Variants in RPL3L observed in about 807,000 individuals in gnomAD.
The protein encoded by RPL3L is ribosomal protein uL3-like.
Under a neutral mutation model 44.5 loss-of-function variants are expected in RPL3L, and 44 were observed. The observed-to-expected ratio is 0.99, with a 90% CI of 0.78 to 1.27. The LOEUF (loss-of-function observed/expected upper bound fraction) is 1.27, where lower values mean the gene tolerates loss of function less well. Ranked by LOEUF, RPL3L falls within the 50% of genes most tolerant of loss-of-function variation. RPL3L has a pLI of 0.00. For missense variants in RPL3L, 631 were observed against 569.1 expected, an observed-to-expected ratio of 1.11 and a Z score of -1.11; for synonymous variants, 292 against 230.7, an observed-to-expected ratio of 1.27 and a Z score of -2.41.
intron 4 of RPL3L, among the ~76,000 whole-genome samples, chr16:1,947,654 T>A (rs1384920376): frequency 1.3e-5 from 2 of 152,104 alleles, no homozygotes; most frequent in East Asian, 3.9e-4. Context: ...TCTGATGGGC[T>A]ATGGGGGCTG....
rs775063440 is a variant in RPL3L, at chr16:1,953,945, C to G, written c.196+11G>C. 7.3e-6 allele frequency: 11 copies of G among 1,510,688 alleles called. No homozygotes were observed. Among genetic ancestry groups the G allele is most frequent in the Middle Eastern group, 1.9e-4 (1 of 5,354 alleles). 93.6% of individuals were successfully genotyped at this position (1,510,688 alleles called of 1,614,324 possible). A position where few individuals can be genotyped will look rare whatever the true frequency, so the allele number is the denominator to read the frequency against. ...CCTCCCCCTCCCCCAAGGGTCCCAA[C>G]TGTGACTCACTGAGCCCCGGCCGGT... On this transcript the variant is annotated intron_variant, in intron 2 of 9. Transcript: ENST00000268661.
At chr16:1,951,082 C>T in intron 3 of RPL3L, 103 bp from the exon 4 acceptor site, 1 of 1,463,062 alleles carries the variant, frequency 6.8e-7, no homozygotes, top group Non-Finnish European at 9.1e-7. Context: ...AGGGGTCCTA[C>T]CTCTGGGACC....
chr16:1,949,726 A>AGTATGTACGGGGCAG (rs1567310605), intron 4 of RPL3L, among the ~76,000 whole-genome samples: 5 of 85,432 alleles, frequency 5.9e-5, no homozygotes, highest in Admixed American at 1.3e-4. Flanking sequence ...TGGACGGGGC[A>AGTATGTACGGGGCAG]GTATGTACGG....
At chr16:1,949,053 C>T (rs2083147875) in intron 4 of RPL3L, among the ~76,000 whole-genome samples, 1 of 142,660 alleles carries the variant, frequency 7.0e-6, no homozygotes, top group Non-Finnish European at 1.5e-5. Context: ...CCCTATGTTG[C>T]CAAGACTGGT....
Position 1,954,634 on chromosome 16 carries a change from T to C in RPL3L, c.-3A>G, listed in dbSNP as rs1241650747. On this transcript the variant is annotated 5_prime_UTR_variant, in exon 1 of 10. Transcript: ENST00000268661. ...CTCACCCTGGTCCCACCAACCATGG[T>C]GGCCGATCCCTGAAGGTCAGGAAGG... 4 of 1,547,912 alleles carry C rather than the reference T, an allele frequency of 2.6e-6. No individual in the cohort carries two copies. The highest frequency in any genetic ancestry group is 1.2e-5 in the South Asian group (1 of 82,628).
intron 6 of RPL3L, 44 bp downstream of exon 6, chr16:1,946,894 G>A: frequency 6.4e-7 from 1 of 1,571,204 alleles, no homozygotes; most frequent in Non-Finnish European, 8.6e-7. Flanking sequence ...CTGAGGGCTG[G>A]GGTCCGACCA....
chr16:1,945,657 A>C, intron 8 of RPL3L, 39 bp from the exon 9 acceptor site: 3 of 1,612,356 alleles, frequency 1.9e-6, no homozygotes, highest in Non-Finnish European at 2.5e-6. Flanking sequence ...AAGTGTGGGG[A>C]TCCCCCACAC....
At chr16:1,949,988 A>ACGGGG (rs1231568112) in intron 4 of RPL3L, among the ~76,000 whole-genome samples, 3 of 126,776 alleles carry the variant, frequency 2.4e-5, no homozygotes, top group African/African-American at 9.5e-5. Flanking sequence ...GCAGGTATGG[A>ACGGGG]CAGGGCAGGT....
intron 6 of RPL3L, 54 bp downstream of exon 6, chr16:1,946,884 C>G: frequency 1.3e-6 from 2 of 1,568,886 alleles, no homozygotes; most frequent in Non-Finnish European, 1.7e-6. Flanking sequence ...GAGGCCAGTA[C>G]TGAGGGCTGG....
Position 1,945,884 on chromosome 16 carries a change from A to G in RPL3L, c.998T>C (p.Leu333Pro), listed in dbSNP as rs2083117498. ...CTTGGTACCAGCAATACAACCCTTC[A>G]GCATGACGAAGTCGTTGTTCACTTC... ...YGEVNNDFVM[L>P]KGCIAGTKKR... Residue 333 changes from leucine (L) to proline (P), a missense_variant, in exon 8 of 10, where the codon CTG becomes CCG. Physicochemically the swap from Leu to Pro is moderately conservative, Grantham distance 98 (BLOSUM62 -3). Transcript: ENST00000268661. 1 of 1,613,826 alleles carries G rather than the reference A, an allele frequency of 6.2e-7. No homozygotes were observed. The highest frequency in any genetic ancestry group is 1.3e-5 in the African/African-American group (1 of 75,062).
chr16:1,952,761 A>C, intron 3 of RPL3L, 113 bp downstream of exon 3: 1 of 1,245,354 alleles, frequency 8.0e-7, no homozygotes, highest in Non-Finnish European at 1.1e-6. Flanking sequence ...GACGGTTGAG[A>C]CTTCGCTTCC....
chr16:1,945,761 C>A (rs1020534948), intron 8 of RPL3L, 74 bp downstream of exon 8: 11 of 1,605,688 alleles, frequency 6.9e-6, no homozygotes, highest in Non-Finnish European at 9.4e-6. Flanking sequence ...CCATCCCGCT[C>A]GTAGCAGGCC....
chr16:1,947,412 C>T (rs534238989), intron 4 of RPL3L, 32 bp from the exon 5 acceptor site: 325 of 1,504,264 alleles, frequency 2.2e-4, no homozygotes, highest in Non-Finnish European at 2.6e-4. Flanking sequence ...CACGCCACGG[C>T]CCACGGGATC....
chr16:1,953,869 T>C, intron 2 of RPL3L, 87 bp downstream of exon 2: 1 of 1,320,344 alleles, frequency 7.6e-7, no homozygotes, highest in Middle Eastern at 2.8e-4. Context: ...ACTGTGGCCC[T>C]GTCTGGACCA....
At chr16:1,951,556 A>AT (rs949458567) in intron 3 of RPL3L, among the ~76,000 whole-genome samples, 24 of 151,448 alleles carry the variant, frequency 1.6e-4, no homozygotes, top group African/African-American at 5.6e-4. Context: ...AATTTTTTGT[A>AT]TTTTTTTGTA....
intron 7 of RPL3L, 48 bp from the exon 8 acceptor site, chr16:1,945,978 T>A: frequency 6.6e-7 from 1 of 1,524,716 alleles, no homozygotes. Flanking sequence ...GGCTTCTGAG[T>A]TAGTGGGTGG....
rs764861002 is a variant in RPL3L at position 1,945,932 on chromosome 16, T to A, written c.952-2A>T. 6 of 1,608,290 alleles carry A rather than the reference T, an allele frequency of 3.7e-6. No individual in the cohort carries two copies. In the Admixed American group the frequency reaches 8.4e-5, roughly 22 times the overall value. On this transcript the variant is annotated splice_acceptor_variant, in intron 7 of 9. Coordinates refer to ENST00000268661, the MANE Select transcript of RPL3L (RefSeq NM_005061.3). LOFTEE classifies it high-confidence loss of function. ...TTCCCCGTAGTGGGGGAAGCCACCCTGCAGAGGACACAGGTCAGAGGCCAG... is the reference window on the plus strand; with the variant it reads ...TTCCCCGTAGTGGGGGAAGCCACCCAGCAGAGGACACAGGTCAGAGGCCAG...
chr16:1,950,898 G>C lies in RPL3L; in HGVS notation c.447C>G (p.Asp149Glu). ...TGCAGTACTTCTTCATGGCGGCGAA[G>C]TCCTTCTGTAGCTGCTTTTTCCCGT... is the stretch of plus-strand genomic sequence containing the variant. ...DTDGKKQLQK[D>E]FAAMKKYCKV... is the part of the protein sequence containing the mutation. Residue 149 changes from aspartate to glutamate, a missense_variant, in exon 4 of 10, where the codon GAC (aspartate) becomes GAG (glutamate). Coordinates refer to ENST00000268661, the MANE Select transcript of RPL3L (RefSeq NM_005061.3). The C allele has an allele frequency of 6.2e-7, 1 of 1,614,090 alleles. No homozygotes were observed. Among genetic ancestry groups the C allele is most frequent in the South Asian group, 1.1e-5 (1 of 91,088 alleles).
At chr16:1,953,099 G>C in intron 2 of RPL3L, 57 bp from the exon 3 acceptor site, 1 of 1,529,890 alleles carries the variant, frequency 6.5e-7, no homozygotes, top group Non-Finnish European at 8.8e-7. Flanking sequence ...CTGTGGGGGA[G>C]GGAGTGGAGA....
Sources: gnomAD v4.1 joint callset for allele counts (sites outside exome capture counted in the v4.1 genomes callset) on GRCh38, gnomAD v4.1.1 for gene constraint, MANE v1.5 for transcripts, NCBI Gene and HGNC (gene_info 2026-07-23, HGNC 2026-07-21) for gene names.